The following ZNF605 variants were observed in gnomAD, a reference collection of about 807,000 sequenced individuals.
ZNF605 encodes the protein zinc finger protein 605.
Under a neutral mutation model 7.9 loss-of-function variants are expected in ZNF605, and 9 were observed. The observed-to-expected ratio is 1.14, with a 90% CI of 0.68 to 1.98. The LOEUF (loss-of-function observed/expected upper bound fraction) is 1.98, where lower values mean the gene tolerates loss of function less well. Among genes scored for constraint, ZNF605 ranks in the 30% most tolerant of loss-of-function variants. The pLI, the probability that ZNF605 is intolerant of heterozygous loss-of-function variation, is 0.00. For missense variants in ZNF605, 673 were observed against 762.4 expected, an observed-to-expected ratio of 0.88 and a Z score of 1.38; for synonymous variants, 255 against 260.1, an observed-to-expected ratio of 0.98 and a Z score of 0.19.
chr12:132,947,466 C>A (rs113078551), intron 2 of ZNF605, among the ~76,000 whole-genome samples: 3,370 of 152,122 alleles, frequency 0.022, 111 homozygotes, highest in Admixed American at 0.087. Context: ...GTGTACGCCA[C>A]CATCCCCAGC....
chr12:132,926,134 CTGTG>C lies in ZNF605; in HGVS notation c.1161_1164del (p.His387GlnfsTer21). 1 of 1,614,192 alleles carries C rather than the reference CTGTG, an allele frequency of 6.2e-7. No homozygotes were observed. The highest frequency in any genetic ancestry group is 8.5e-7 in the Non-Finnish European group (1 of 1,180,038). On this transcript the variant is annotated frameshift_variant, in exon 5 of 5. Coordinates refer to ENST00000360187, the MANE Select transcript of ZNF605 (RefSeq NM_183238.4). LOFTEE classifies it low-confidence loss of function (END_TRUNC). ...TCACTGCATCGATAGTTCTTCTCTC[CTGTG>C]TGAGTTATCTGATGTTTAATCAGCT...
chr12:132,937,569 G>A lies in ZNF605; in HGVS notation c.16-4414C>T, dbSNP rs922361034. 2.6e-5 allele frequency among the ~76,000 whole-genome samples: 4 copies of A among 151,974 alleles called. No homozygotes were observed. In the East Asian group the frequency reaches 5.8e-4, roughly 22 times the overall value. On this transcript the variant is annotated intron_variant, in intron 3 of 4. Coordinates refer to ENST00000360187, the MANE Select transcript of ZNF605 (RefSeq NM_183238.4). ...AAATATCTGTGAGGACTCAGAGCAAGAGCAACTGTCATTCATTGTGGTGGG... is the reference window on the plus strand; with the variant it reads ...AAATATCTGTGAGGACTCAGAGCAAAAGCAACTGTCATTCATTGTGGTGGG...
At position 132,919,410 on chromosome 12, in the gene ZNF605, G is replaced by C. The variant is rs1442172735; in HGVS notation, c.*5963C>G. Reference sequence around the variant, plus strand: ...TTTTTTTTTTTTTTTTTTTGAGATGGAGTCTCGCTTTGTCGCTCAGGCCAG... The same window carrying C: ...TTTTTTTTTTTTTTTTTTTGAGATGCAGTCTCGCTTTGTCGCTCAGGCCAG... On this transcript the variant is annotated 3_prime_UTR_variant, in exon 5 of 5. Coordinates refer to ENST00000360187, the MANE Select transcript of ZNF605 (RefSeq NM_183238.4). The C allele has an allele frequency of 2.2e-5, 3 of 135,036 alleles. No homozygotes were observed. The highest frequency in any genetic ancestry group is 8.5e-5 in the African/African-American group (3 of 35,372). The allele number at this position is 135,036 out of a possible 1,614,324, so 8.4% of individuals were successfully genotyped here. A position where few individuals can be genotyped will look rare whatever the true frequency, so the allele number is the denominator to read the frequency against.
At chr12:132,930,036 AT>A (rs1952291637) in intron 4 of ZNF605, among the ~76,000 whole-genome samples, 1 of 152,244 alleles carries the variant, frequency 6.6e-6, no homozygotes, top group Non-Finnish European at 1.5e-5. Flanking sequence ...TAAAAGTAGT[AT>A]TTGGTGATTT....
rs1203971419 is a variant in ZNF605, at chr12:132,945,835, A to T, written c.-162-38T>A. 8.5e-5 allele frequency: 62 copies of T among 730,536 alleles called. 1 individual carries two copies. The allele number at this position is 730,536 out of a possible 1,614,324, so 45.3% of individuals were successfully genotyped here. A position where few individuals can be genotyped will look rare whatever the true frequency, so the allele number is the denominator to read the frequency against. On this transcript the variant is annotated intron_variant, in intron 2 of 4. Coordinates refer to ENST00000360187, the MANE Select transcript of ZNF605 (RefSeq NM_183238.4). ...TGGACATTTTATTTTAGATGATCTA[A>T]TTAATTTGGGAACCTAAATCTTGGT...
At chr12:132,937,376 A>AG (rs1185012592) in intron 3 of ZNF605, among the ~76,000 whole-genome samples, 2 of 151,944 alleles carry the variant, frequency 1.3e-5, no homozygotes, top group African/African-American at 4.8e-5. Context: ...AAAAAAAAAA[A>AG]AAAAGAAAAT....
Position 132,922,895 on chromosome 12 carries a change from C to T in ZNF605, c.*2478G>A, listed in dbSNP as rs1278601. 65,211 of 152,040 alleles carry T rather than the reference C, an allele frequency of 0.43. 14,635 individuals are homozygous for T. The highest frequency in any genetic ancestry group is 0.54 in the Middle Eastern group (160 of 294). 9.4% of individuals were successfully genotyped at this position (152,040 alleles called of 1,614,324 possible). A position where few individuals can be genotyped will look rare whatever the true frequency, so the allele number is the denominator to read the frequency against. On this transcript the variant is annotated 3_prime_UTR_variant, in exon 5 of 5. Coordinates refer to ENST00000360187, the MANE Select transcript of ZNF605 (RefSeq NM_183238.4). Reference sequence around the variant, plus strand: ...TTCTCCTCCCACCTCTGGTATCTCCCACTGTTCAAACCTATGAAGAAACCC... The same window carrying T: ...TTCTCCTCCCACCTCTGGTATCTCCTACTGTTCAAACCTATGAAGAAACCC...
In ZNF605 at chr12:132,920,547, TA is replaced by T. The variant is rs777721951; in HGVS notation, c.*4825del. 4 of 152,230 alleles carry T rather than the reference TA, an allele frequency of 2.6e-5. No individual in the cohort carries two copies. Among genetic ancestry groups the T allele is most frequent in the Admixed American group, 6.5e-5 (1 of 15,274 alleles). The allele number at this position is 152,230 out of a possible 1,614,324, so 9.4% of individuals were successfully genotyped here. A position where few individuals can be genotyped will look rare whatever the true frequency, so the allele number is the denominator to read the frequency against. Reference sequence around the variant, plus strand: ...TCCCATAAGGGAAATAAAGAATTATTAAATATCATCACCAACTTCACAGATT... The same window carrying T: ...TCCCATAAGGGAAATAAAGAATTATTAATATCATCACCAACTTCACAGATT... On this transcript the variant is annotated 3_prime_UTR_variant, in exon 5 of 5. Coordinates refer to ENST00000360187, the MANE Select transcript of ZNF605 (RefSeq NM_183238.4).
In ZNF605 at chr12:132,925,020, C is replaced by T. The variant is rs528509059; in HGVS notation, c.*353G>A. ...TGAGTTGTCCTTTCTTGAAATCTTCCACTTTGTTATAAAAAACAATAGAAT... is the reference window on the plus strand; with the variant it reads ...TGAGTTGTCCTTTCTTGAAATCTTCTACTTTGTTATAAAAAACAATAGAAT... On this transcript the variant is annotated 3_prime_UTR_variant, in exon 5 of 5. Transcript: ENST00000360187. 1 of 183,862 alleles carries T rather than the reference C, an allele frequency of 5.4e-6. No homozygotes were observed. Among genetic ancestry groups the T allele is most frequent in the East Asian group, 1.5e-4 (1 of 6,666 alleles). 11.4% of individuals were successfully genotyped at this position (183,862 alleles called of 1,614,324 possible). A position where few individuals can be genotyped will look rare whatever the true frequency, so the allele number is the denominator to read the frequency against.
At chr12:132,953,584 G>A (rs1330630958) in intron 1 of ZNF605, among the ~76,000 whole-genome samples, 5 of 151,890 alleles carry the variant, frequency 3.3e-5, no homozygotes, top group Non-Finnish European at 5.9e-5. Flanking sequence ...CCACCACCAT[G>A]CCCAGCTAAT....
At chr12:132,938,676 C>G (rs1952393903) in intron 3 of ZNF605, among the ~76,000 whole-genome samples, 1 of 152,210 alleles carries the variant, frequency 6.6e-6, no homozygotes, top group African/African-American at 2.4e-5. Context: ...CTTCAGTCCC[C>G]CACTGCACTG....
In ZNF605 at chr12:132,925,942, C is replaced by G; in HGVS notation, c.1357G>C (p.Glu453Gln). The change falls in exon 5 of 5, where the codon GAG becomes CAG. Residue 453 changes from glutamate (E) to glutamine (Q), a missense_variant. Physicochemically the swap from Glu to Gln is conservative, Grantham distance 29. Transcript: ENST00000360187. ...TTCTGGGTGAAGGCCTTCCCACACT[C>G]ACTGCATTCATAAGGCTTCTCCCCA... ...HTGEKPYECS[E>Q]CGKAFTQKSS... 1 of 1,614,216 alleles carries G rather than the reference C, an allele frequency of 6.2e-7. No individual in the cohort carries two copies. Among genetic ancestry groups the G allele is most frequent in the Non-Finnish European group, 8.5e-7 (1 of 1,180,032 alleles).
At position 132,925,516 on chromosome 12, in the gene ZNF605, C is replaced by T. The variant is rs1306837612; in HGVS notation, c.1783G>A (p.Gly595Arg). 1 of 1,614,104 alleles carries T rather than the reference C, an allele frequency of 6.2e-7. No homozygotes were observed. Among genetic ancestry groups the T allele is most frequent in the African/African-American group, 1.3e-5 (1 of 75,036 alleles). ...GERPYKCGEC[G>R]KSFTRKSHLM... is the part of the protein sequence containing the mutation. Reference sequence around the variant, plus strand: ...TGTGACTTTCTTGTGAAAGATTTCCCACATTCACCACATTTATATGGTCTC... The same window carrying T: ...TGTGACTTTCTTGTGAAAGATTTCCTACATTCACCACATTTATATGGTCTC... Residue 595 changes from glycine (G) to arginine (R), a missense_variant, in exon 5 of 5, where the codon GGG (glycine) becomes AGG (arginine). Transcript: ENST00000360187.
chr12:132,946,402 G>T (rs1952494538), intron 2 of ZNF605, among the ~76,000 whole-genome samples: 1 of 152,224 alleles, frequency 6.6e-6, no homozygotes, highest in Non-Finnish European at 1.5e-5. Context: ...TGAGGCGTGG[G>T]TCTGAGGCTG....
At chr12:132,953,700 C>T (rs897334943) in intron 1 of ZNF605, among the ~76,000 whole-genome samples, 9 of 152,064 alleles carry the variant, frequency 5.9e-5, no homozygotes, top group Non-Finnish European at 1.2e-4. Flanking sequence ...GCTGGGATTA[C>T]AGGTGTGAGC....
chr12:132,927,783 AGTAGCTGAGACTACAGG>A, intron 4 of ZNF605, among the ~76,000 whole-genome samples: 1 of 152,024 alleles, frequency 6.6e-6, no homozygotes, highest in East Asian at 1.9e-4. Flanking sequence ...CAGCCTCCTG[AGTAGCTGAGACTACAGG>A]TGTGCGCCAT....
In ZNF605 at chr12:132,926,053, A is replaced by G. The variant is rs1221171731; in HGVS notation, c.1246T>C (p.Leu416=). The part of the protein sequence containing the change: ...SELIRHQKIH[L]GEKPYGCIQC... ...ATGCATCCATATGGTTTCTCTCCTA[A>G]GTGAATTTTTTGATGTCTTATTAAC... The change falls in exon 5 of 5, where the codon TTA becomes CTA. Residue 416 remains leucine (L), a synonymous_variant. Transcript: ENST00000360187. 1 of 1,614,120 alleles carries G rather than the reference A, an allele frequency of 6.2e-7. No individual in the cohort carries two copies. The highest frequency in any genetic ancestry group is 1.6e-4 in the Middle Eastern group (1 of 6,062).
chr12:132,951,825 CCA>C (rs1952573499), intron 1 of ZNF605, among the ~76,000 whole-genome samples: 1 of 151,626 alleles, frequency 6.6e-6, no homozygotes, highest in Non-Finnish European at 1.5e-5. Flanking sequence ...TACACATACA[CCA>C]CACATACACA....
At position 132,949,639 on chromosome 12, in the gene ZNF605, T is replaced by C. The variant is rs576532286; in HGVS notation, c.-285-1369A>G. On this transcript the variant is annotated intron_variant, in intron 1 of 4. Transcript: ENST00000360187. ...CTGGCATTGGCTCCCAAGTTCTTAA[T>C]GTCTCCCTCTCCGTCATTAAGAGAA... Among the ~76,000 whole-genome samples the C allele has an allele frequency of 9.4e-4, 143 of 152,290 alleles. 3 individuals are homozygous for C. The South Asian group carries it at 0.029, about 31-fold the overall frequency.
Sources: allele counts gnomAD v4.1 joint callset (sites outside exome capture counted in the v4.1 genomes callset), GRCh38; gene constraint gnomAD v4.1.1; transcripts MANE v1.5; gene names NCBI Gene and HGNC (gene_info 2026-07-23, HGNC 2026-07-21).